PIK3R5: variants seen among roughly 807,000 people sequenced by gnomAD.
PIK3R5 encodes the protein phosphoinositide 3-kinase regulatory subunit 5.
PIK3R5 carries 32 observed loss-of-function variants against 94.9 expected under a neutral mutation model. The ratio of observed to expected loss-of-function variants is 0.34; its 90% confidence interval spans 0.25 to 0.45. PIK3R5 has a LOEUF of 0.45. Among genes scored for constraint, PIK3R5 ranks in the 20% least tolerant of loss-of-function variants. PIK3R5 has a pLI of 1.00. For missense variants in PIK3R5, 853 were observed against 1,144.6 expected, an observed-to-expected ratio of 0.75 and a Z score of 3.68; for synonymous variants, 443 against 479.4, an observed-to-expected ratio of 0.92 and a Z score of 0.99.
intron 1 of PIK3R5, among the ~76,000 whole-genome samples, chr17:8,937,064 T>C (rs2091090057): frequency 6.6e-6 from 1 of 152,216 alleles, no homozygotes; most frequent in African/African-American, 2.4e-5. Flanking sequence ...TCATTGCTGG[T>C]ATATAGGCAA....
chr17:8,905,031 C>G (rs139803775), intron 4 of PIK3R5, 116 bp from the exon 5 acceptor site: 1 of 1,132,046 alleles, frequency 8.8e-7, no homozygotes, highest in Non-Finnish European at 1.3e-6. Flanking sequence ...ATTTCCTGGC[C>G]GCAGCGTGTC....
rs147467932 is a variant in PIK3R5, at chr17:8,887,604, C to T, written c.1696G>A (p.Gly566Arg). 4.2e-5 allele frequency: 67 copies of T among 1,610,036 alleles called. No individual in the cohort carries two copies. The highest frequency in any genetic ancestry group is 5.4e-5 in the Non-Finnish European group (64 of 1,178,270). Residue 566 changes from glycine to arginine, a missense_variant, in exon 11 of 19, where the codon GGG becomes AGG. Transcript: ENST00000447110. Reference sequence around the variant, plus strand: ...GGTGGACAGGCACCAGGGCTGGTCCCATGACTTCGCTTCACAGGCACGTAG... The same window carrying T: ...GGTGGACAGGCACCAGGGCTGGTCCTATGACTTCGCTTCACAGGCACGTAG... ...FFYVPVKRSH[G>R]TSPGACPPPR...
In PIK3R5 at chr17:8,904,945, G is replaced by A. The variant is rs2090362716; in HGVS notation, c.274-30C>T. 1 of 1,607,108 alleles carries A rather than the reference G, an allele frequency of 6.2e-7. No homozygotes were observed. Among genetic ancestry groups the A allele is most frequent in the South Asian group, 1.1e-5 (1 of 91,054 alleles). On this transcript the variant is annotated intron_variant, in intron 4 of 18. Transcript: ENST00000447110. The surrounding 1 kb of genome is among the most constrained non-coding windows in gnomAD (Gnocchi z 5.1). ...GATGGAGGCAGGCAACAAGCAAAGA[G>A]ATCTAGGTGAGAAAAGGCTCAGATA...
intron 1 of PIK3R5, among the ~76,000 whole-genome samples, chr17:8,938,000 G>A (rs975435156): frequency 1.1e-4 from 17 of 152,050 alleles, no homozygotes; most frequent in Non-Finnish European, 1.9e-4. Context: ...TAGTAAAGAC[G>A]GGGTTTCACC....
intron 5 of PIK3R5, among the ~76,000 whole-genome samples, chr17:8,897,315 C>A (rs1183285123): frequency 6.6e-6 from 1 of 152,178 alleles, no homozygotes; most frequent in Non-Finnish European, 1.5e-5. Context: ...GAGGAAAATA[C>A]TGGGGGGAAG....
chr17:8,904,098 C>G lies in PIK3R5; in HGVS notation c.412+679G>C, dbSNP rs747004889. Among the ~76,000 whole-genome samples the G allele has an allele frequency of 3.3e-5, 5 of 152,198 alleles. No individual in the cohort carries two copies. The highest frequency in any genetic ancestry group is 2.9e-5 in the Non-Finnish European group (2 of 68,026). ...ATTTTATGAAATATTTTAGAGGCAT[C>G]TATTGAGATGCTTTTGCGAATTTAT... On this transcript the variant is annotated intron_variant, in intron 5 of 18. Coordinates refer to ENST00000447110, the MANE Select transcript of PIK3R5 (RefSeq NM_001142633.3). The surrounding 1 kb of genome is among the most constrained non-coding windows in gnomAD (Gnocchi z 5.1).
rs2089985323 is a variant in PIK3R5 at position 8,890,049 on chromosome 17, A to G, written c.735T>C (p.Asp245=). ...EAQELASGIG[D]AAEARRWLRT... Reference sequence around the variant, plus strand: ...TGAGCCACCGCCGGGCCTCTGCAGCATCCCCGATGCCAGATGCCAGCTCCT... The same window carrying G: ...TGAGCCACCGCCGGGCCTCTGCAGCGTCCCCGATGCCAGATGCCAGCTCCT... The change falls in exon 8 of 19, where the codon GAT becomes GAC. Residue 245 remains aspartate, a synonymous_variant. Coordinates refer to ENST00000447110, the MANE Select transcript of PIK3R5 (RefSeq NM_001142633.3). This position sits in a 1 kb window ranked among gnomAD's most constrained non-coding sequence, Gnocchi z 6.1. The G allele has an allele frequency of 6.2e-7, 1 of 1,614,032 alleles. No individual in the cohort carries two copies. Among genetic ancestry groups the G allele is most frequent in the African/African-American group, 1.3e-5 (1 of 75,024 alleles).
At position 8,888,602 on chromosome 17, in the gene PIK3R5, G is replaced by C; in HGVS notation, c.1185C>G (p.Ser395Arg). The change falls in exon 10 of 19, where the codon AGC (serine) becomes AGG (arginine). Residue 395 changes from serine (S) to arginine (R), a missense_variant. Physicochemically the swap from Ser to Arg is moderately radical, Grantham distance 110 (BLOSUM62 -1). Around this residue, in one of 6 missense-constraint regions of PIK3R5, gnomAD observed 319 missense variants for 339.8 expected, o/e 0.94. Transcript: ENST00000447110. This position sits in a 1 kb window ranked among gnomAD's most constrained non-coding sequence, Gnocchi z 7.8. ...DGMDSGYVED[S>R]EESSSEWPWR... ...AAGGCCACTCGGAGGAGCTCTCCTC[G>C]CTGTCCTCCACGTAGCCGCTGTCCA... The C allele has an allele frequency of 6.2e-7, 1 of 1,612,294 alleles. No homozygotes were observed. Among genetic ancestry groups the C allele is most frequent in the Non-Finnish European group, 8.5e-7 (1 of 1,179,422 alleles).
At chr17:8,947,132 C>T (rs1214760371) in intron 1 of PIK3R5, among the ~76,000 whole-genome samples, 2 of 148,728 alleles carry the variant, frequency 1.3e-5, no homozygotes, top group African/African-American at 5.2e-5. Context: ...GATACAGATG[C>T]GGCTTTTCTC....
chr17:8,956,740 A>C, intron 1 of PIK3R5, among the ~76,000 whole-genome samples: 1 of 152,102 alleles, frequency 6.6e-6, no homozygotes, highest in East Asian at 1.9e-4. Context: ...TGACGTGAAA[A>C]CCCCAAGAAC....
At position 8,938,035 on chromosome 17, in the gene PIK3R5, G is replaced by A. The variant is rs1357231954; in HGVS notation, c.-13-26528C>T. Among the ~76,000 whole-genome samples, 12 of 152,006 alleles carry A rather than the reference G, an allele frequency of 7.9e-5. No individual in the cohort carries two copies. In the South Asian group the frequency reaches 1.7e-3, roughly 21 times the overall value. ...CATGTTGGCCAGGCTGGTCTTGAACGCCTGACCTCAGGTGATCTGCCTGCC... is the reference window on the plus strand; with the variant it reads ...CATGTTGGCCAGGCTGGTCTTGAACACCTGACCTCAGGTGATCTGCCTGCC... On this transcript the variant is annotated intron_variant, in intron 1 of 18. Coordinates refer to ENST00000447110, the MANE Select transcript of PIK3R5 (RefSeq NM_001142633.3).
chr17:8,900,063 A>C (rs1472509583), intron 5 of PIK3R5, among the ~76,000 whole-genome samples: 1 of 151,812 alleles, frequency 6.6e-6, no homozygotes, highest in Admixed American at 6.6e-5. Flanking sequence ...GTGCGAAAGT[A>C]TTTTTCAACA....
chr17:8,924,061 C>G (rs1320004163), intron 1 of PIK3R5, among the ~76,000 whole-genome samples: 2 of 106,698 alleles, frequency 1.9e-5, no homozygotes, highest in Non-Finnish European at 4.0e-5. Flanking sequence ...CCCTCCCCCC[C>G]TCCCCTCCCT....
At position 8,926,506 on chromosome 17, in the gene PIK3R5, G is replaced by A. The variant is rs148104058; in HGVS notation, c.-13-14999C>T. Among the ~76,000 whole-genome samples the A allele has an allele frequency of 4.4e-4, 67 of 152,316 alleles. No individual in the cohort carries two copies. In the East Asian group the frequency reaches 7.9e-3, roughly 18 times the overall value. On this transcript the variant is annotated intron_variant, in intron 1 of 18. Transcript: ENST00000447110. ...TTGGACTTACAGTTCCACACGGCTA[G>A]GGAGGCCTCAGAATCATAGCAGGAG...
rs566920586 is a variant in PIK3R5, at chr17:8,904,114, G to C, written c.412+663C>G. Among the ~76,000 whole-genome samples, 37 of 152,294 alleles carry C rather than the reference G, an allele frequency of 2.4e-4. No homozygotes were observed. Among genetic ancestry groups the C allele is most frequent in the African/African-American group, 8.4e-4 (35 of 41,580 alleles). On this transcript the variant is annotated intron_variant, in intron 5 of 18. Transcript: ENST00000447110. This position sits in a 1 kb window ranked among gnomAD's most constrained non-coding sequence, Gnocchi z 5.1. ...TAGAGGCATCTATTGAGATGCTTTT[G>C]CGAATTTATTCCTTTGAGTACTGAT...
In PIK3R5 at chr17:8,904,736, T is replaced by C. The variant is rs2090358511; in HGVS notation, c.412+41A>G. The stretch of plus-strand genomic sequence containing the variant: ...CAGAGGAGTTGGAAGCATTCTGACC[T>C]TCTGAGCCCTGTCCCCCGTGCCAGC... On this transcript the variant is annotated intron_variant, in intron 5 of 18. Transcript: ENST00000447110. This position sits in a 1 kb window ranked among gnomAD's most constrained non-coding sequence, Gnocchi z 5.1. The C allele has an allele frequency of 6.2e-7, 1 of 1,605,366 alleles. No individual in the cohort carries two copies. Among genetic ancestry groups the C allele is most frequent in the East Asian group, 2.2e-5 (1 of 44,696 alleles).
At chr17:8,902,732 C>A (rs1428484677) in intron 5 of PIK3R5, among the ~76,000 whole-genome samples, 1 of 152,110 alleles carries the variant, frequency 6.6e-6, no homozygotes, top group African/African-American at 2.4e-5. Flanking sequence ...GCTAATACAA[C>A]CTATTTTTCT....
chr17:8,951,795 T>A (rs961106601), intron 1 of PIK3R5, among the ~76,000 whole-genome samples: 1 of 152,258 alleles, frequency 6.6e-6, no homozygotes, highest in Non-Finnish European at 1.5e-5. Flanking sequence ...AAAGTTCAAA[T>A]GTGGATGAGA....
At chr17:8,899,158 G>C (rs12945251) in intron 5 of PIK3R5, among the ~76,000 whole-genome samples, 26,111 of 152,254 alleles carry the variant, frequency 0.17, 2,439 homozygotes, top group Non-Finnish European at 0.22. Context: ...TGGCACTGAC[G>C]TGAGGTTTCC....
Sources: gnomAD v4.1 joint callset for allele counts (sites outside exome capture counted in the v4.1 genomes callset) on GRCh38, gnomAD v4.1.1 for gene constraint, gnomAD v4.1.1 regional missense constraint, Gnocchi (gnomAD v3.1) non-coding constraint, MANE v1.5 for transcripts, NCBI Gene and HGNC (gene_info 2026-07-23, HGNC 2026-07-21) for gene names.